Variants in BAIAP2L1 observed in about 807,000 individuals in gnomAD.
BAIAP2L1 encodes the protein BAR/IMD domain containing adaptor protein 2 like 1.
A neutral mutation model predicts 66.3 loss-of-function variants in BAIAP2L1; 35 were observed. That is an observed-to-expected ratio of 0.53 (90% CI 0.40 to 0.70). BAIAP2L1 has a LOEUF of 0.70. Ranked by LOEUF, BAIAP2L1 falls within the 30% of genes least tolerant of loss-of-function variation. The pLI is 0.00. For synonymous variants in BAIAP2L1, 269 were observed against 248.7 expected, an observed-to-expected ratio of 1.08 and a Z score of -0.77; for missense variants, 622 against 656.9, an observed-to-expected ratio of 0.95 and a Z score of 0.58.
intron 1 of BAIAP2L1, among the ~76,000 whole-genome samples, chr7:98,400,552 G>A (rs548771774): frequency 3.2e-5 from 4 of 126,522 alleles, no homozygotes; most frequent in Non-Finnish European, 5.0e-5. Context: ...GAAGCACAGG[G>A]AGGAGGGGAG....
In BAIAP2L1 at chr7:98,354,898, A is replaced by G. The variant is rs143402830; in HGVS notation, c.214+144T>C. On this transcript the variant is annotated intron_variant, in intron 3 of 13. Transcript: ENST00000005260. ...CCAGCCCACCCTACGACTAAGCATC[A>G]ATTTCCACAGACCGCGGTGAAGTAG... 203 of 656,288 alleles carry G rather than the reference A, an allele frequency of 3.1e-4. 3 individuals are homozygous for G. In the Middle Eastern group the frequency reaches 4.8e-3, roughly 15 times the overall value. The allele number at this position is 656,288 out of a possible 1,614,324, so 40.7% of individuals were successfully genotyped here.
intron 7 of BAIAP2L1, among the ~76,000 whole-genome samples, chr7:98,313,536 C>A (rs1800957024): frequency 6.6e-6 from 1 of 152,166 alleles, no homozygotes; most frequent in African/African-American, 2.4e-5. Flanking sequence ...CTAAAGTGAA[C>A]TCTACATTCC....
At chr7:98,297,477 C>T (rs1800240500) in intron 12 of BAIAP2L1, among the ~76,000 whole-genome samples, 1 of 152,172 alleles carries the variant, frequency 6.6e-6, no homozygotes, top group African/African-American at 2.4e-5. Context: ...TGCAGGTGGC[C>T]TTGCTCCTGA....
At position 98,317,217 on chromosome 7, in the gene BAIAP2L1, A is replaced by G. The variant is rs774228481; in HGVS notation, c.486+2T>C. On this transcript the variant is annotated splice_donor_variant, in intron 6 of 13. Transcript: ENST00000005260. LOFTEE classifies it high-confidence loss of function. ...AAAACAAGATATTGTTGAAAAGCTC[A>G]CCTCAATTTCTTTGTGTTCATATTT... 3.1e-6 allele frequency: 5 copies of G among 1,614,082 alleles called. No individual in the cohort carries two copies. Among genetic ancestry groups the G allele is most frequent in the Admixed American group, 3.3e-5 (2 of 59,996 alleles).
intron 3 of BAIAP2L1, among the ~76,000 whole-genome samples, chr7:98,353,644 TTATA>T (rs1365524825): frequency 7.1e-6 from 1 of 140,158 alleles, no homozygotes; most frequent in Non-Finnish European, 1.5e-5. Context: ...TATATGTATA[TTATA>T]TATATTTTTA....
chr7:98,345,522 T>C (rs979889095), intron 3 of BAIAP2L1, among the ~76,000 whole-genome samples: 2 of 151,978 alleles, frequency 1.3e-5, no homozygotes, highest in African/African-American at 4.8e-5. Context: ...GTAAGGAGTT[T>C]GAGACGAGCC....
intron 1 of BAIAP2L1, among the ~76,000 whole-genome samples, chr7:98,389,593 T>TTAC (rs530261466): frequency 4.6e-5 from 7 of 152,204 alleles, no homozygotes; most frequent in Admixed American, 1.3e-4. Context: ...ACTGCTGGGA[T>TTAC]TACGGGCATG....
Position 98,292,639 on chromosome 7 carries a change from G to A in BAIAP2L1, c.*882C>T, listed in dbSNP as rs1800015965. ...GGCTGAAAAACCCGCCCTTCTCCAG[G>A]CACCAGAGGTCATCCTGGCTTTACA... is the stretch of plus-strand genomic sequence containing the variant. On this transcript the variant is annotated 3_prime_UTR_variant, in exon 14 of 14. Transcript: ENST00000005260. The A allele has an allele frequency of 6.4e-7, 1 of 1,551,510 alleles. No individual in the cohort carries two copies. Among genetic ancestry groups the A allele is most frequent in the Non-Finnish European group, 8.7e-7 (1 of 1,146,984 alleles).
chr7:98,390,033 A>T (rs1229009713), intron 1 of BAIAP2L1, among the ~76,000 whole-genome samples: 1 of 148,702 alleles, frequency 6.7e-6, no homozygotes, highest in African/African-American at 2.5e-5. Flanking sequence ...CTCCTGCTTC[A>T]GCCTCCCGAG....
At chr7:98,359,668 C>T (rs1013226072) in intron 2 of BAIAP2L1, among the ~76,000 whole-genome samples, 1 of 152,008 alleles carries the variant, frequency 6.6e-6, no homozygotes, top group Admixed American at 6.6e-5. Context: ...CTGTTCCAGG[C>T]CACACCAACC....
intron 1 of BAIAP2L1, among the ~76,000 whole-genome samples, chr7:98,384,091 T>C (rs1376654570): frequency 1.3e-5 from 2 of 149,412 alleles, no homozygotes; most frequent in Admixed American, 6.7e-5. Flanking sequence ...GAGGCGGAGA[T>C]TGCAGTGAGC....
chr7:98,304,466 TA>T, intron 11 of BAIAP2L1, 90 bp from the exon 12 acceptor site: 1 of 1,271,204 alleles, frequency 7.9e-7, no homozygotes, highest in South Asian at 1.3e-5. Flanking sequence ...AGGACAACAG[TA>T]ATAGTACATC....
chr7:98,343,565 G>T, intron 3 of BAIAP2L1, among the ~76,000 whole-genome samples: 1 of 152,184 alleles, frequency 6.6e-6, no homozygotes, highest in East Asian at 1.9e-4. Flanking sequence ...CCAACAAGAC[G>T]AAGAGGTTAG....
intron 5 of BAIAP2L1, among the ~76,000 whole-genome samples, chr7:98,319,854 A>G (rs534652880): frequency 2.6e-5 from 4 of 152,188 alleles, no homozygotes; most frequent in Middle Eastern, 3.4e-3. Flanking sequence ...CCTGGCCCCT[A>G]TGCTTTCTAA....
chr7:98,302,652 G>T (rs1800476389), intron 12 of BAIAP2L1, among the ~76,000 whole-genome samples: 1 of 152,184 alleles, frequency 6.6e-6, no homozygotes, highest in Admixed American at 6.5e-5. Flanking sequence ...ACAAATGACT[G>T]GTTCTTCTAC....
chr7:98,299,891 A>G (rs1319250150), intron 12 of BAIAP2L1, among the ~76,000 whole-genome samples: 1 of 152,036 alleles, frequency 6.6e-6, no homozygotes, highest in Non-Finnish European at 1.5e-5. Context: ...AAATACAAAA[A>G]TTAGCTGGGT....
intron 1 of BAIAP2L1, among the ~76,000 whole-genome samples, chr7:98,382,632 G>A (rs934298493): frequency 6.6e-6 from 1 of 152,174 alleles, no homozygotes; most frequent in Non-Finnish European, 1.5e-5. Flanking sequence ...AAGGTCCACA[G>A]ATACCATAAC....
At chr7:98,365,216 G>C (rs1248284977) in intron 1 of BAIAP2L1, among the ~76,000 whole-genome samples, 8 of 151,840 alleles carry the variant, frequency 5.3e-5, no homozygotes, top group African/African-American at 1.9e-4. Context: ...GGGACCCCTA[G>C]CCATGTGGAA....
At chr7:98,353,768 T>A (rs945500608) in intron 3 of BAIAP2L1, among the ~76,000 whole-genome samples, 2 of 148,886 alleles carry the variant, frequency 1.3e-5, no homozygotes, top group Non-Finnish European at 3.0e-5. Context: ...GAGATCAGCC[T>A]GGCCAACATG....
Sources: gnomAD v4.1 joint callset for allele counts (sites outside exome capture counted in the v4.1 genomes callset) on GRCh38, gnomAD v4.1.1 for gene constraint, MANE v1.5 for transcripts, NCBI Gene and HGNC (gene_info 2026-07-23, HGNC 2026-07-21) for gene names.